Variants in NAA60 observed in about 807,000 individuals in gnomAD.
NAA60 encodes the protein N-alpha-acetyltransferase 60.
Under a neutral mutation model 26.1 loss-of-function variants are expected in NAA60, and 8 were observed. That is an observed-to-expected ratio of 0.31 (90% CI 0.18 to 0.55). The LOEUF (loss-of-function observed/expected upper bound fraction) is 0.55, where lower values mean the gene tolerates loss of function less well. Among genes scored for constraint, NAA60 ranks in the 20% least tolerant of loss-of-function variants. The pLI is 0.93. For synonymous variants in NAA60, 131 were observed against 122.5 expected, an observed-to-expected ratio of 1.07 and a Z score of -0.46; for missense variants, 290 against 311.3, an observed-to-expected ratio of 0.93 and a Z score of 0.51.
intron 1 of NAA60, among the ~76,000 whole-genome samples, chr16:3,444,636 A>G (rs1445171211): frequency 6.6e-6 from 1 of 152,210 alleles, no homozygotes; most frequent in Non-Finnish European, 1.5e-5. Flanking sequence ...ATCTGATAGG[A>G]TAGTTTCAGC....
At chr16:3,465,594 G>T (rs1035173187) in intron 2 of NAA60, among the ~76,000 whole-genome samples, 1 of 152,146 alleles carries the variant, frequency 6.6e-6, no homozygotes, top group Non-Finnish European at 1.5e-5. Flanking sequence ...CTTCCTCTCT[G>T]GGGGGACCCT....
intron 4 of NAA60, among the ~76,000 whole-genome samples, chr16:3,481,077 A>G (rs1286413978): frequency 6.6e-6 from 1 of 151,752 alleles, no homozygotes; most frequent in Non-Finnish European, 1.5e-5. Context: ...TTTGATTTTT[A>G]AGAGCTAAGA....
chr16:3,467,799 G>T (rs1417676965), intron 2 of NAA60: 2 of 152,178 alleles, frequency 1.3e-5, no homozygotes, highest in East Asian at 1.9e-4. Context: ...GAGCACATGG[G>T]GCTCCTGGAC....
At chr16:3,481,784 T>G (rs2036853253) in intron 4 of NAA60, among the ~76,000 whole-genome samples, 1 of 152,172 alleles carries the variant, frequency 6.6e-6, no homozygotes, top group African/African-American at 2.4e-5. Context: ...CTGACATATC[T>G]GGGTGAACTG....
intron 2 of NAA60, among the ~76,000 whole-genome samples, chr16:3,470,680 C>G (rs1389938906): frequency 1.3e-5 from 2 of 152,098 alleles, no homozygotes; most frequent in Non-Finnish European, 2.9e-5. Flanking sequence ...TTGGGGGGGG[C>G]CGCTGGCCCT....
intron 2 of NAA60, among the ~76,000 whole-genome samples, chr16:3,461,743 T>C (rs1027729032): frequency 5.3e-5 from 8 of 152,106 alleles, no homozygotes; most frequent in Non-Finnish European, 8.8e-5. Flanking sequence ...GTTTGAGAAA[T>C]GTTCCCTTTG....
At chr16:3,449,984 A>G (rs2034710914) in intron 2 of NAA60, 1 of 398,440 alleles carries the variant, frequency 2.5e-6, no homozygotes, top group South Asian at 1.3e-4. Flanking sequence ...GCGCAGTCTC[A>G]GGTATGTCTT....
chr16:3,443,844 T>G lies in NAA60; in HGVS notation c.-77+7T>G. On this transcript the variant is annotated splice_region_variant and intron_variant, in intron 1 of 7. Coordinates refer to ENST00000407558, the MANE Select transcript of NAA60 (RefSeq NM_001083601.3). ...AGAAAATCGGTAACAAAATGTGGGT[T>G]CGGCCAACAGTGCCCTGTAGGCCTG... 6.5e-7 allele frequency: 1 copy of G among 1,533,724 alleles called. No individual in the cohort carries two copies. Among genetic ancestry groups the G allele is most frequent in the Non-Finnish European group, 8.7e-7 (1 of 1,145,820 alleles).
intron 2 of NAA60, chr16:3,449,983 C>G (rs1252554034): frequency 2.5e-6 from 1 of 398,464 alleles, no homozygotes. Flanking sequence ...TGCGCAGTCT[C>G]AGGTATGTCT....
intron 2 of NAA60, among the ~76,000 whole-genome samples, chr16:3,468,903 G>A (rs1485263477): frequency 1.3e-5 from 2 of 152,106 alleles, no homozygotes; most frequent in East Asian, 3.9e-4. Context: ...GCCTGACAAG[G>A]CCAACAACCT....
Position 3,485,213 on chromosome 16 carries a change from T to G in NAA60, c.*206+152T>G, listed in dbSNP as rs778742084. ...TATGCACCAGCACAGCCCAGAGGTT[T>G]GGTGACTTGTGCCAAGCTAACACAG... is the stretch of plus-strand genomic sequence containing the variant. On this transcript the variant is annotated intron_variant, in intron 7 of 7. Coordinates refer to ENST00000407558, the MANE Select transcript of NAA60 (RefSeq NM_001083601.3). The G allele has an allele frequency of 2.2e-5, 15 of 690,860 alleles. No homozygotes were observed. The South Asian group carries it at 2.2e-4, about 10-fold the overall frequency. 42.8% of individuals were successfully genotyped at this position (690,860 alleles called of 1,614,324 possible). A position where few individuals can be genotyped will look rare whatever the true frequency, so the allele number is the denominator to read the frequency against.
rs1276724266 is a variant in NAA60, at chr16:3,479,480, C to T, written c.120C>T (p.Asp40=). ...CGDWFPIEYP[D]SWYRDITSNK... is the part of the protein sequence containing the mutation. ...ATGTTCTGTTTCTCAGGTACCCAGA[C>T]TCATGGTATCGTGATATCACATCCA... The change falls in exon 4 of 8, where the codon GAC becomes GAT. Residue 40 remains aspartate (D), a synonymous_variant. Transcript: ENST00000407558. The T allele has an allele frequency of 3.7e-6, 6 of 1,613,824 alleles. No individual in the cohort carries two copies. The highest frequency in any genetic ancestry group is 5.1e-6 in the Non-Finnish European group (6 of 1,179,844).
intron 2 of NAA60, among the ~76,000 whole-genome samples, chr16:3,449,504 C>T (rs532030242): frequency 1.6e-4 from 24 of 151,850 alleles, no homozygotes; most frequent in African/African-American, 4.8e-4. Context: ...GGCGACAGAG[C>T]AAGACTCTGT....
chr16:3,458,109 T>A, intron 2 of NAA60: 1 of 985,144 alleles, frequency 1.0e-6, no homozygotes, highest in Non-Finnish European at 1.2e-6. Flanking sequence ...GCGGTCCCAC[T>A]TCCCGGCTCC....
At chr16:3,448,339 AT>A in intron 1 of NAA60, 131 bp from the exon 2 acceptor site, 2 of 613,994 alleles carry the variant, frequency 3.3e-6, no homozygotes, top group East Asian at 3.1e-5. Flanking sequence ...TAGATAGTTA[AT>A]TTTTCCCCAA....
chr16:3,473,331 C>T (rs542239845), intron 2 of NAA60, among the ~76,000 whole-genome samples: 30 of 152,160 alleles, frequency 2.0e-4, no homozygotes, highest in African/African-American at 6.5e-4. Flanking sequence ...GCTGGGGAGG[C>T]CTCACAATCA....
chr16:3,466,048 T>C (rs1318446316), intron 2 of NAA60, among the ~76,000 whole-genome samples: 1 of 152,212 alleles, frequency 6.6e-6, no homozygotes, highest in African/African-American at 2.4e-5. Context: ...TGCAGCCAAG[T>C]GCACAGCTTC....
At chr16:3,461,162 G>C (rs956378761) in intron 2 of NAA60, among the ~76,000 whole-genome samples, 1 of 152,210 alleles carries the variant, frequency 6.6e-6, no homozygotes, top group Admixed American at 6.5e-5. Context: ...ATTAAAGAGA[G>C]ACCTGTGTTT....
chr16:3,457,290 ACAAAAAACC>A (rs112781413), intron 2 of NAA60, among the ~76,000 whole-genome samples: 6,941 of 152,218 alleles, frequency 0.046, 375 homozygotes, highest in South Asian at 0.13. Context: ...CTACAAAAAA[ACAAAAAACC>A]CAAAAAACCT....
Sources: allele counts gnomAD v4.1 joint callset (sites outside exome capture counted in the v4.1 genomes callset), GRCh38; gene constraint gnomAD v4.1.1; transcripts MANE v1.5; gene names NCBI Gene and HGNC (gene_info 2026-07-23, HGNC 2026-07-21).